Variants in TBC1D5 observed in about 807,000 individuals in gnomAD.
The protein encoded by TBC1D5 is TBC1 domain family member 5, also known as TBC1 domain family, member 5.
TBC1D5 carries 75 observed loss-of-function variants against 100.3 expected under a neutral mutation model. That is an observed-to-expected ratio of 0.75 (90% CI 0.62 to 0.91). The LOEUF is 0.91. Among genes scored for constraint, TBC1D5 ranks in the 40% least tolerant of loss-of-function variants. TBC1D5 has a pLI of 0.00. For synonymous variants in TBC1D5, 323 were observed against 325.6 expected (o/e 0.99, Z 0.09); for missense variants, 910 against 942.4 (o/e 0.97, Z 0.45).
At chr3:17,244,284 A>G (rs1445669300) in intron 16 of TBC1D5, among the ~76,000 whole-genome samples, 1 of 152,212 alleles carries the variant, frequency 6.6e-6, no homozygotes. Context: ...CTAAGAGTTT[A>G]TGATCTGCAG....
intron 4 of TBC1D5, among the ~76,000 whole-genome samples, chr3:17,417,379 C>T (rs2094107889): frequency 7.0e-6 from 1 of 143,096 alleles, no homozygotes; most frequent in Non-Finnish European, 1.5e-5. Flanking sequence ...GTGTGATGTT[C>T]CCCTTCCTGT....
chr3:17,673,072 T>C (rs1216365993), intron 1 of TBC1D5, among the ~76,000 whole-genome samples: 1 of 151,966 alleles, frequency 6.6e-6, no homozygotes, highest in African/African-American at 2.4e-5. Context: ...AAATTGCAAA[T>C]AATAGAATAA....
At chr3:17,158,157 T>C (rs192217481) in exon 22 of TBC1D5, 3 of 152,324 alleles carry the variant, frequency 2.0e-5, no homozygotes, top group African/African-American at 7.2e-5. Flanking sequence ...TCACACGTAA[T>C]GTACAAAGCT....
intron 13 of TBC1D5, among the ~76,000 whole-genome samples, chr3:17,344,551 A>G (rs1176694419): frequency 2.0e-5 from 3 of 152,062 alleles, no homozygotes; most frequent in Admixed American, 6.6e-5. Context: ...TTCTTCACAG[A>G]ATTGGAAAAA....
chr3:17,593,350 C>T (rs140833203), intron 2 of TBC1D5, among the ~76,000 whole-genome samples: 17 of 152,266 alleles, frequency 1.1e-4, no homozygotes, highest in East Asian at 9.7e-4. Context: ...AGGTTACACA[C>T]GGGCTCAATA....
intron 16 of TBC1D5, among the ~76,000 whole-genome samples, chr3:17,247,498 A>C (rs1267352932): frequency 6.6e-6 from 1 of 152,198 alleles, no homozygotes; most frequent in African/African-American, 2.4e-5. Context: ...GCCTTTAGTG[A>C]GTCTTAAGCT....
chr3:17,579,941 C>A (rs1039630779), intron 2 of TBC1D5, among the ~76,000 whole-genome samples: 1 of 152,064 alleles, frequency 6.6e-6, no homozygotes, highest in Non-Finnish European at 1.5e-5. Context: ...ATTATTGTAT[C>A]CCATATTTAT....
intron 15 of TBC1D5, among the ~76,000 whole-genome samples, chr3:17,265,325 A>G (rs2078738460): frequency 6.6e-6 from 1 of 152,228 alleles, no homozygotes; most frequent in Non-Finnish European, 1.5e-5. Flanking sequence ...CATGAAGAAT[A>G]GAAAATATTT....
At chr3:17,584,902 C>G (rs9310523) in intron 2 of TBC1D5, among the ~76,000 whole-genome samples, 1 of 151,994 alleles carries the variant, frequency 6.6e-6, no homozygotes, top group South Asian at 2.1e-4. Flanking sequence ...GTATTTCACC[C>G]GCCTCAGACT....
chr3:17,475,021 C>T (rs2095421369), intron 3 of TBC1D5, among the ~76,000 whole-genome samples: 1 of 152,030 alleles, frequency 6.6e-6, no homozygotes, highest in East Asian at 1.9e-4. Flanking sequence ...TATTAAGCAT[C>T]CAAAATATTG....
At position 17,484,711 on chromosome 3, in the gene TBC1D5, T is replaced by A. The variant is rs1331537586; in HGVS notation, c.97+23763A>T. The stretch of plus-strand genomic sequence containing the variant: ...TATTGCCCAGGGTGGTCTTCCACTC[T>A]GGGCTCAAGTGATCCTCCTGCCTCA... On this transcript the variant is annotated intron_variant, in intron 3 of 21. Coordinates refer to ENST00000253692, the Ensembl canonical transcript of TBC1D5. Among the ~76,000 whole-genome samples the A allele has an allele frequency of 2.0e-5, 3 of 152,136 alleles. No individual in the cohort carries two copies. The East Asian group carries it at 5.8e-4, about 29-fold the overall frequency.
chr3:17,332,549 G>C (rs1300930311), intron 13 of TBC1D5, among the ~76,000 whole-genome samples: 1 of 151,964 alleles, frequency 6.6e-6, no homozygotes, highest in South Asian at 2.1e-4. Flanking sequence ...AGATCACTTA[G>C]GGAAACAGAG....
chr3:17,437,709 G>A (rs373408486), intron 3 of TBC1D5, among the ~76,000 whole-genome samples: 69 of 145,482 alleles, frequency 4.7e-4, no homozygotes, highest in South Asian at 4.3e-3. Context: ...AGAAAGTAGC[G>A]GGGGAAGTGA....
chr3:17,497,780 T>A (rs2095732893), intron 3 of TBC1D5, among the ~76,000 whole-genome samples: 2 of 152,200 alleles, frequency 1.3e-5, no homozygotes, highest in African/African-American at 4.8e-5. Context: ...CATGATGCCA[T>A]GATATAAAAG....
Position 17,737,900 on chromosome 3 carries a change from A to G in TBC1D5, c.-101+1443T>C, listed in dbSNP as rs1290811156. The stretch of plus-strand genomic sequence containing the variant: ...AAAAGAGTAAATCTGCAATTACTGA[A>G]TATTTTCCTGGAGTTAGCCACAGAA... On this transcript the variant is annotated intron_variant, in intron 1 of 21. Transcript: ENST00000253692. Among the ~76,000 whole-genome samples the G allele has an allele frequency of 5.3e-5, 8 of 152,148 alleles. 1 individual carries two copies. The highest frequency in any genetic ancestry group is 4.6e-4 in the Admixed American group (7 of 15,272).
intron 13 of TBC1D5, among the ~76,000 whole-genome samples, chr3:17,367,513 A>C (rs2092220043): frequency 6.6e-6 from 1 of 152,198 alleles, no homozygotes; most frequent in Non-Finnish European, 1.5e-5. Flanking sequence ...TATAGAACCT[A>C]ATTTTTTTAA....
At chr3:17,550,551 A>AAC (rs1560141572) in intron 2 of TBC1D5, among the ~76,000 whole-genome samples, 18 of 150,330 alleles carry the variant, frequency 1.2e-4, no homozygotes, top group African/African-American at 4.5e-4. Flanking sequence ...ACAACAACAA[A>AAC]AAAAAAAAAC....
chr3:17,207,130 G>A (rs1453607913), intron 18 of TBC1D5, among the ~76,000 whole-genome samples: 1 of 152,034 alleles, frequency 6.6e-6, no homozygotes, highest in African/African-American at 2.4e-5. Context: ...TGTAGACATG[G>A]AGTCTCACTA....
exon 22 of TBC1D5, chr3:17,159,439 A>T (rs1032030255): frequency 9.9e-5 from 15 of 152,274 alleles, no homozygotes; most frequent in Admixed American, 3.3e-4. Flanking sequence ...GAAGGCCTCC[A>T]CTGCCCGGCT....
Sources: allele counts gnomAD v4.1 joint callset (sites outside exome capture counted in the v4.1 genomes callset), GRCh38; gene constraint gnomAD v4.1.1; transcripts MANE v1.5; gene names NCBI Gene and HGNC (gene_info 2026-07-23, HGNC 2026-07-21).